Variants in ADARB2 observed in about 807,000 individuals in gnomAD.
ADARB2 encodes adenosine deaminase RNA specific B2 (inactive), also known as inactive double-stranded RNA-specific editase B2.
In ADARB2, 25 loss-of-function variants were observed where a neutral mutation model predicts 62.2. The ratio of observed to expected loss-of-function variants is 0.40; its 90% CI spans 0.29 to 0.56. The LOEUF (loss-of-function observed/expected upper bound fraction) is 0.56, where lower values mean the gene tolerates loss of function less well. Among genes scored for constraint, ADARB2 ranks in the 20% least tolerant of loss-of-function variants. The probability of loss-of-function intolerance (pLI) is 0.43; values close to 1 mark genes in which losing one functional copy is unlikely to be tolerated. For synonymous variants in ADARB2, 572 were observed against 500.8 expected, an observed-to-expected ratio of 1.14 and a Z score of -1.90; for missense variants, 1,071 against 1,077.4, an observed-to-expected ratio of 0.99 and a Z score of 0.08.
At chr10:1,582,093 G>A (rs886581334) in intron 1 of ADARB2, among the ~76,000 whole-genome samples, 1 of 152,190 alleles carries the variant, frequency 6.6e-6, no homozygotes, top group Non-Finnish European at 1.5e-5. Flanking sequence ...GCTGTCGAGG[G>A]CTAACAGCCT....
At chr10:1,692,804 T>C (rs1235924438) in intron 1 of ADARB2, among the ~76,000 whole-genome samples, 1 of 152,178 alleles carries the variant, frequency 6.6e-6, no homozygotes, top group Non-Finnish European at 1.5e-5. Flanking sequence ...GGTCAAAATA[T>C]GTGCTAAGGT....
In ADARB2 at chr10:1,270,826, T is replaced by C. The variant is rs972474571; in HGVS notation, c.1192+129A>G. 9.0e-6 allele frequency: 7 copies of C among 774,742 alleles called. No individual in the cohort carries two copies. The African/African-American group carries it at 1.0e-4, about 12-fold the overall frequency. The allele number at this position is 774,742 out of a possible 1,614,324, so 48.0% of individuals were successfully genotyped here. On this transcript the variant is annotated intron_variant, in intron 4 of 9. Coordinates refer to ENST00000381312, the MANE Select transcript of ADARB2 (RefSeq NM_018702.4). Reference sequence around the variant, plus strand: ...TGGCCACTGATCTCTGTATATGCTATAATATTTTGTCTTTCTTTGTCACAG... The same window carrying C: ...TGGCCACTGATCTCTGTATATGCTACAATATTTTGTCTTTCTTTGTCACAG...
rs898425927 is a variant in ADARB2, at chr10:1,426,441, G to C, written c.101-47281C>G. Among the ~76,000 whole-genome samples, 1 of 151,972 alleles carries C rather than the reference G, an allele frequency of 6.6e-6. No homozygotes were observed. The highest frequency in any genetic ancestry group is 2.4e-5 in the African/African-American group (1 of 41,366). On this transcript the variant is annotated intron_variant, in intron 1 of 9. Coordinates refer to ENST00000381312, the MANE Select transcript of ADARB2 (RefSeq NM_018702.4). This position sits in a 1 kb window ranked among gnomAD's most constrained non-coding sequence, Gnocchi z 4.1. Reference sequence around the variant, plus strand: ...CTGTAAAACCGAAGCCCTCTTCTGCGTGGCGATTTGGAGAACACAGTCAGC... The same window carrying C: ...CTGTAAAACCGAAGCCCTCTTCTGCCTGGCGATTTGGAGAACACAGTCAGC...
At chr10:1,572,452 C>T (rs1004953284) in intron 1 of ADARB2, among the ~76,000 whole-genome samples, 3 of 152,142 alleles carry the variant, frequency 2.0e-5, no homozygotes, top group East Asian at 1.9e-4. Context: ...CAGGAACTGA[C>T]GGTGGGTGCC....
chr10:1,666,550 C>T (rs1588344872), intron 1 of ADARB2, among the ~76,000 whole-genome samples: 1 of 152,234 alleles, frequency 6.6e-6, no homozygotes, highest in African/African-American at 2.4e-5. Context: ...TCCCTGCTTC[C>T]CATGGTCTGC....
intron 3 of ADARB2, among the ~76,000 whole-genome samples, chr10:1,351,802 C>A (rs1259666687): frequency 7.3e-5 from 11 of 151,352 alleles, no homozygotes; most frequent in Non-Finnish European, 1.3e-4. Flanking sequence ...AAGCCTATAA[C>A]CTCCCCTTAC....
chr10:1,342,283 G>A (rs914535625), intron 3 of ADARB2, among the ~76,000 whole-genome samples: 3 of 152,192 alleles, frequency 2.0e-5, no homozygotes, highest in Admixed American at 6.5e-5. Context: ...ATGCCATGGA[G>A]AAGGCTGAGG....
At chr10:1,374,876 C>T (rs2820607) in intron 2 of ADARB2, among the ~76,000 whole-genome samples, 9,085 of 152,140 alleles carry the variant, frequency 0.06, 956 homozygotes, top group African/African-American at 0.21. Flanking sequence ...GCAGCCCTTT[C>T]CCTCCATGAA....
At chr10:1,323,351 G>A (rs546359261) in intron 3 of ADARB2, among the ~76,000 whole-genome samples, 3 of 151,888 alleles carry the variant, frequency 2.0e-5, no homozygotes, top group East Asian at 3.9e-4. Flanking sequence ...GAGACATGCC[G>A]TATTCACAGA....
At chr10:1,277,000 A>G (rs960880153) in intron 3 of ADARB2, among the ~76,000 whole-genome samples, 2 of 152,238 alleles carry the variant, frequency 1.3e-5, no homozygotes, top group African/African-American at 2.4e-5. Flanking sequence ...CTGCTCCTGA[A>G]TGACTACTGG....
At chr10:1,266,147 G>A (rs1365039150) in intron 4 of ADARB2, among the ~76,000 whole-genome samples, 1 of 152,196 alleles carries the variant, frequency 6.6e-6, no homozygotes. Flanking sequence ...CGGAAGACAC[G>A]GTCCACGCCC....
At chr10:1,677,919 T>A (rs1292985958) in intron 1 of ADARB2, among the ~76,000 whole-genome samples, 1 of 152,224 alleles carries the variant, frequency 6.6e-6, no homozygotes, top group Non-Finnish European at 1.5e-5. Context: ...GTATTTTGTA[T>A]TCAGTAAATA....
At chr10:1,700,584 C>A (rs1490205004) in intron 1 of ADARB2, among the ~76,000 whole-genome samples, 1 of 6,844 alleles carries the variant, frequency 1.5e-4, no homozygotes, top group Admixed American at 4.0e-3. Flanking sequence ...ACCAGGCACT[C>A]GCCAACACAC....
chr10:1,583,125 T>C (rs894389599), intron 1 of ADARB2, among the ~76,000 whole-genome samples: 1 of 152,218 alleles, frequency 6.6e-6, no homozygotes, highest in African/African-American at 2.4e-5. Context: ...ATTTCAGCCA[T>C]TGGGACTTCA....
rs1834496665 is a variant in ADARB2 at position 1,678,470 on chromosome 10, G to A, written c.100+58581C>T. 11 of 466,936 alleles carry A rather than the reference G, an allele frequency of 2.4e-5. No homozygotes were observed. The South Asian group carries it at 3.6e-4, about 15-fold the overall frequency. 28.9% of individuals were successfully genotyped at this position (466,936 alleles called of 1,614,324 possible). ...ACACAGGGTCACACTCAAGGTCACC[G>A]AGAACTTTGGGGCATGCAGGGGGGC... is the stretch of plus-strand genomic sequence containing the variant. On this transcript the variant is annotated intron_variant, in intron 1 of 9. Coordinates refer to ENST00000381312, the MANE Select transcript of ADARB2 (RefSeq NM_018702.4).
chr10:1,449,663 G>A (rs1315075219), intron 1 of ADARB2, among the ~76,000 whole-genome samples: 1 of 152,166 alleles, frequency 6.6e-6, no homozygotes, highest in Non-Finnish European at 1.5e-5. Flanking sequence ...AGGACCTCAT[G>A]GGAAGAAATT....
At chr10:1,460,091 C>G (rs1476087114) in intron 1 of ADARB2, among the ~76,000 whole-genome samples, 1 of 54,370 alleles carries the variant, frequency 1.8e-5, no homozygotes, top group Non-Finnish European at 4.4e-5. Flanking sequence ...ACGAACCTGC[C>G]TGTGACCTGA....
intron 1 of ADARB2, among the ~76,000 whole-genome samples, chr10:1,528,239 C>A (rs1564318130): frequency 6.6e-6 from 1 of 152,236 alleles, no homozygotes; most frequent in Non-Finnish European, 1.5e-5. Context: ...CTGTGAGTGC[C>A]CGTGTTCACT....
chr10:1,204,208 C>T (rs536475653), intron 7 of ADARB2, among the ~76,000 whole-genome samples: 2 of 152,292 alleles, frequency 1.3e-5, no homozygotes, highest in Middle Eastern at 3.4e-3. Context: ...ACAGGCCCCA[C>T]CCCATTTCCA....
Sources: allele counts gnomAD v4.1 joint callset (sites outside exome capture counted in the v4.1 genomes callset), GRCh38; gene constraint gnomAD v4.1.1; non-coding constraint Gnocchi (gnomAD v3.1); transcripts MANE v1.5; gene names NCBI Gene and HGNC (gene_info 2026-07-23, HGNC 2026-07-21).